NR4A3: variants seen among roughly 807,000 people sequenced by gnomAD.
NR4A3 encodes the protein nuclear receptor subfamily 4 group A member 3.
In NR4A3, 13 loss-of-function variants were observed where a neutral mutation model predicts 55.6. The ratio of observed to expected loss-of-function variants is 0.23; its 90% CI spans 0.15 to 0.37. The LOEUF is 0.37. Ranked by LOEUF, NR4A3 falls within the 10% of genes least tolerant of loss-of-function variation. NR4A3 has a pLI of 1.00. For missense variants in NR4A3, 646 were observed against 822.8 expected (o/e 0.79, Z 2.63); for synonymous variants, 342 against 357.9 (o/e 0.96, Z 0.50).
chr9:99,850,515 C>T (rs1271434066), intron 7 of NR4A3, among the ~76,000 whole-genome samples: 1 of 152,170 alleles, frequency 6.6e-6, no homozygotes, highest in Non-Finnish European at 1.5e-5. Context: ...CTTTCTGCAT[C>T]CCATTTGTTC....
In NR4A3 at chr9:99,825,024, C is replaced by T. The variant is rs908450250; in HGVS notation, c.-176-635C>T. On this transcript the variant is annotated intron_variant, in intron 1 of 7. Transcript: ENST00000395097. The surrounding 1 kb of genome is among the most constrained non-coding windows in gnomAD (Gnocchi z 5.0). ...TTGCTTCCAGCGCCAGCCTTCTCAT[C>T]GCTGTGCCCTTTTGTTTGCTTGACC... Among the ~76,000 whole-genome samples the T allele has an allele frequency of 2.0e-5, 3 of 152,242 alleles. No individual in the cohort carries two copies. Among genetic ancestry groups the T allele is most frequent in the Non-Finnish European group, 4.4e-5 (3 of 68,046 alleles).
chr9:99,861,231 CAT>C (rs1450490017), intron 7 of NR4A3, among the ~76,000 whole-genome samples: 2 of 152,198 alleles, frequency 1.3e-5, no homozygotes, highest in Non-Finnish European at 2.9e-5. Flanking sequence ...ATCATTATAA[CAT>C]ATCAGGCCAG....
At chr9:99,857,210 G>A (rs1827942548) in intron 7 of NR4A3, among the ~76,000 whole-genome samples, 1 of 152,118 alleles carries the variant, frequency 6.6e-6, no homozygotes, top group African/African-American at 2.4e-5. Context: ...ATGGCTCGGG[G>A]GGAAGAAATT....
chr9:99,863,471 C>A (rs866968763), intron 7 of NR4A3, 149 bp from the exon 8 acceptor site: 23 of 856,470 alleles, frequency 2.7e-5, no homozygotes, highest in Middle Eastern at 5.6e-4. Context: ...ATACCAAAGG[C>A]CATGAGCTAT....
In NR4A3 at chr9:99,834,490, C is replaced by T. The variant is rs868374815; in HGVS notation, c.1254+1036C>T. Among the ~76,000 whole-genome samples the T allele has an allele frequency of 4.6e-5, 7 of 152,070 alleles. 1 individual carries two copies. In the Middle Eastern group the frequency reaches 0.01, roughly 222 times the overall value. On this transcript the variant is annotated intron_variant, in intron 5 of 7. Transcript: ENST00000395097. ...ATTATCCCTCCTACTTGAAGGAAAACAAAAACAAAAACAAAAACAAAAAAC... is the reference window on the plus strand; with the variant it reads ...ATTATCCCTCCTACTTGAAGGAAAATAAAAACAAAAACAAAAACAAAAAAC...
intron 3 of NR4A3, among the ~76,000 whole-genome samples, chr9:99,832,109 T>C (rs1224560376): frequency 6.6e-6 from 1 of 152,178 alleles, no homozygotes; most frequent in Non-Finnish European, 1.5e-5. Context: ...CTGTTTATCA[T>C]ATATGGTCTT....
At chr9:99,827,588 A>T (rs1827326474) in intron 2 of NR4A3, among the ~76,000 whole-genome samples, 1 of 152,206 alleles carries the variant, frequency 6.6e-6, no homozygotes, top group Non-Finnish European at 1.5e-5. Context: ...TGCCTAACTC[A>T]GGTTTACAAA....
intron 6 of NR4A3, 135 bp from the exon 7 acceptor site, chr9:99,847,302 C>G (rs1043600452): frequency 3.9e-5 from 29 of 738,958 alleles, no homozygotes; most frequent in Non-Finnish European, 6.1e-5. Context: ...TTGTGGGTAT[C>G]TGGCATGCTT....
At chr9:99,829,084 G>T in intron 3 of NR4A3, 91 bp downstream of exon 3, 2 of 1,234,272 alleles carry the variant, frequency 1.6e-6, no homozygotes, top group Non-Finnish European at 2.0e-6. Context: ...GTTCTTCCCG[G>T]TTTGAGAGCT....
chr9:99,837,912 G>A (rs1212978424), intron 5 of NR4A3, among the ~76,000 whole-genome samples: 1 of 152,160 alleles, frequency 6.6e-6, no homozygotes, highest in Non-Finnish European at 1.5e-5. Flanking sequence ...AATGGGAGGT[G>A]GAGGGGTTTT....
chr9:99,828,333 TCACCAC>T lies in NR4A3; in HGVS notation c.315_320del (p.His107_His108del), dbSNP rs753648433. ...GGCGGGCGCCCAGCTACCATCACCA[TCACCAC>T]CACCACCACCACCACCACCACCATC... On this transcript the variant is annotated inframe_deletion, in exon 3 of 8. Transcript: ENST00000395097. This position sits in a 1 kb window ranked among gnomAD's most constrained non-coding sequence, Gnocchi z 7.7. 3.4e-5 allele frequency: 55 copies of T among 1,605,026 alleles called. No individual in the cohort carries two copies. The Admixed American group carries it at 7.7e-4, about 23-fold the overall frequency.
intron 2 of NR4A3, among the ~76,000 whole-genome samples, chr9:99,826,567 C>A (rs1274361146): frequency 1.3e-5 from 2 of 152,230 alleles, no homozygotes; most frequent in Non-Finnish European, 2.9e-5. Flanking sequence ...GATCAAAGAT[C>A]AGGCAGTGTT....
At position 99,864,789 on chromosome 9, in the gene NR4A3, T is replaced by C. The variant is rs919056216; in HGVS notation, c.*922T>C. 9.0e-6 allele frequency: 2 copies of C among 223,448 alleles called. No individual in the cohort carries two copies. Among genetic ancestry groups the C allele is most frequent in the Non-Finnish European group, 1.8e-5 (2 of 111,728 alleles). The allele number at this position is 223,448 out of a possible 1,614,324, so 13.8% of individuals were successfully genotyped here. On this transcript the variant is annotated 3_prime_UTR_variant, in exon 8 of 8. Transcript: ENST00000395097. ...GAGTTCCCTAAACTTGCTTCAGTTA[T>C]AGTAACTGACTGGTATATTCATTCA...
chr9:99,826,769 A>G, intron 2 of NR4A3: 1 of 1,613,098 alleles, frequency 6.2e-7, no homozygotes, highest in East Asian at 2.2e-5. Context: ...TTCATCCCAT[A>G]CATGCATGAC....
rs767254135 is a variant in NR4A3, at chr9:99,828,185, C to T, written c.143C>T (p.Thr48Met). ...LTMDLGSTEITATATTSLPSI... is the reference protein window; with the variant it reads ...LTMDLGSTEIMATATTSLPSI... ...ATGGACCTTGGCAGCACTGAGATCA[C>T]GGCTACAGCCACCACGTCCCTGCCC... Residue 48 changes from threonine to methionine, a missense_variant, in exon 3 of 8, where the codon ACG becomes ATG. By Grantham distance (81) the Thr-to-Met change is moderately conservative (BLOSUM62 -1). Coordinates refer to ENST00000395097, the MANE Select transcript of NR4A3 (RefSeq NM_006981.4). The surrounding 1 kb of genome is among the most constrained non-coding windows in gnomAD (Gnocchi z 7.7). 7.6e-5 allele frequency: 123 copies of T among 1,613,998 alleles called. No individual in the cohort carries two copies. The highest frequency in any genetic ancestry group is 1.0e-4 in the Non-Finnish European group (118 of 1,180,024).
chr9:99,825,866 T>G lies in NR4A3; in HGVS notation c.-3+34T>G, dbSNP rs1827286940. 5.6e-6 allele frequency: 1 copy of G among 177,924 alleles called. No homozygotes were observed. The highest frequency in any genetic ancestry group is 1.2e-5 in the Non-Finnish European group (1 of 82,632). The allele number at this position is 177,924 out of a possible 1,614,324, so 11.0% of individuals were successfully genotyped here. ...GAAGGCAAGACCCTTTTCTCCTCCC[T>G]GGCTGAGGGAAGTGGGTGGGGGAAC... is the stretch of plus-strand genomic sequence containing the variant. On this transcript the variant is annotated intron_variant, in intron 2 of 7. Transcript: ENST00000395097. This position sits in a 1 kb window ranked among gnomAD's most constrained non-coding sequence, Gnocchi z 5.0.
At position 99,828,502 on chromosome 9, in the gene NR4A3, G is replaced by A; in HGVS notation, c.460G>A (p.Ala154Thr). 1 of 1,581,556 alleles carries A rather than the reference G, an allele frequency of 6.3e-7. No homozygotes were observed. The highest frequency in any genetic ancestry group is 1.2e-5 in the South Asian group (1 of 85,904). ...TTPAFPPQAG[A>T]LWDEALPSAP... ...GCCGGCCTTCCCCCCGCAGGCGGGG[G>A]CGTTATGGGACGAGGCACTGCCCTC... The change falls in exon 3 of 8, where the codon GCG becomes ACG. Residue 154 changes from alanine (A) to threonine (T), a missense_variant. Physicochemically the swap from Ala to Thr is moderately conservative, Grantham distance 58. Transcript: ENST00000395097. The surrounding 1 kb of genome is among the most constrained non-coding windows in gnomAD (Gnocchi z 7.7).
chr9:99,827,460 G>A (rs1278513847), intron 2 of NR4A3, among the ~76,000 whole-genome samples: 1 of 152,134 alleles, frequency 6.6e-6, no homozygotes, highest in Non-Finnish European at 1.5e-5. Context: ...GGAAGAGTGG[G>A]GATGAGGTGG....
At chr9:99,830,531 G>T (rs928835099) in intron 3 of NR4A3, among the ~76,000 whole-genome samples, 5 of 152,202 alleles carry the variant, frequency 3.3e-5, no homozygotes, top group Non-Finnish European at 4.4e-5. Flanking sequence ...CCTGAATTCT[G>T]CAGAGAAATG....
Sources: gnomAD v4.1 joint callset for allele counts (sites outside exome capture counted in the v4.1 genomes callset) on GRCh38, gnomAD v4.1.1 for gene constraint, Gnocchi (gnomAD v3.1) non-coding constraint, MANE v1.5 for transcripts, NCBI Gene and HGNC (gene_info 2026-07-23, HGNC 2026-07-21) for gene names.